Variants in PDE1C observed in about 807,000 individuals in gnomAD.
PDE1C encodes dual specificity calcium/calmodulin-dependent 3',5'-cyclic nucleotide phosphodiesterase 1C.
PDE1C carries 62 observed loss-of-function variants against 93.1 expected under a neutral mutation model. The observed-to-expected ratio is 0.67, with a 90% CI of 0.54 to 0.82. The LOEUF (loss-of-function observed/expected upper bound fraction) is 0.82. Among genes scored for constraint, PDE1C ranks in the 40% least tolerant of loss-of-function variants. The pLI is 0.00. For synonymous variants in PDE1C, 325 were observed against 310.1 expected, an observed-to-expected ratio of 1.05 and a Z score of -0.50; for missense variants, 742 against 884.6, an observed-to-expected ratio of 0.84 and a Z score of 2.04.
chr7:31,900,648 CATATTCATATATAGCAATAT>C (rs1007530342), intron 2 of PDE1C, among the ~76,000 whole-genome samples: 49 of 151,774 alleles, frequency 3.2e-4, no homozygotes, highest in Admixed American at 5.9e-4. Context: ...TAATTTTATA[CATATTCATATATAGCAATAT>C]ATATTCATAT....
At chr7:31,705,653 A>T in the PDE1C span, among the ~76,000 whole-genome samples, 1 of 152,182 alleles carries the variant, frequency 6.6e-6, no homozygotes, top group African/African-American at 2.4e-5. Context: ...CTGCTGTTGA[A>T]TGGAGTCCAG....
At chr7:32,338,548 A>G (rs903448031) in intron 1 of PDE1C, among the ~76,000 whole-genome samples, 18 of 152,188 alleles carry the variant, frequency 1.2e-4, no homozygotes, top group Non-Finnish European at 2.5e-4. Flanking sequence ...GGAAGGTAAA[A>G]TGGTACAACT....
At chr7:32,094,439 T>A (rs1217384092) in intron 3 of PDE1C, among the ~76,000 whole-genome samples, 2 of 152,184 alleles carry the variant, frequency 1.3e-5, no homozygotes, top group African/African-American at 2.4e-5. Context: ...GGAGGGTATG[T>A]GGATTTTTAC....
the PDE1C span, among the ~76,000 whole-genome samples, chr7:31,710,339 G>A: frequency 2.6e-5 from 4 of 152,148 alleles, no homozygotes; most frequent in African/African-American, 4.8e-5. Context: ...AAGACTTGGC[G>A]CTCTTTCAAA....
chr7:32,093,976 T>G (rs936043980), intron 3 of PDE1C, among the ~76,000 whole-genome samples: 1 of 152,216 alleles, frequency 6.6e-6, no homozygotes, highest in Admixed American at 6.5e-5. Context: ...GAAGGTTGAA[T>G]GCGTCACTGA....
chr7:32,176,623 T>G (rs1020405225), intron 2 of PDE1C, among the ~76,000 whole-genome samples: 5 of 152,198 alleles, frequency 3.3e-5, no homozygotes, highest in Non-Finnish European at 5.9e-5. Flanking sequence ...AAATAATGAT[T>G]AATTTAAATA....
chr7:31,849,131 A>ATC (rs1793007893), intron 8 of PDE1C, among the ~76,000 whole-genome samples: 1 of 152,128 alleles, frequency 6.6e-6, no homozygotes, highest in African/African-American at 2.4e-5. Context: ...GAGGTGAAAG[A>ATC]TCTGCTGTTA....
chr7:32,165,959 G>T (rs1347544574), intron 3 of PDE1C, among the ~76,000 whole-genome samples: 3 of 151,760 alleles, frequency 2.0e-5, no homozygotes, highest in Non-Finnish European at 4.4e-5. Flanking sequence ...AATCCCCCCG[G>T]GTGATTGTGA....
intron 1 of PDE1C, among the ~76,000 whole-genome samples, chr7:32,226,201 T>TA (rs1491477709): frequency 6.6e-6 from 1 of 152,232 alleles, no homozygotes; most frequent in African/African-American, 2.4e-5. Flanking sequence ...GCCCCGTCTC[T>TA]ATCTGTCTGG....
the PDE1C span, among the ~76,000 whole-genome samples, chr7:31,662,606 CGT>C: frequency 6.6e-6 from 1 of 151,988 alleles, no homozygotes; most frequent in Non-Finnish European, 1.5e-5. Flanking sequence ...GTTGTGTAGA[CGT>C]ATGTGACTGT....
intron 1 of PDE1C, among the ~76,000 whole-genome samples, chr7:32,221,390 C>T (rs980949449): frequency 6.6e-5 from 10 of 152,140 alleles, no homozygotes; most frequent in African/African-American, 1.4e-4. Context: ...CAGCATCATA[C>T]GCCCCACAGC....
chr7:31,703,493 T>C, the PDE1C span, among the ~76,000 whole-genome samples: 1 of 152,234 alleles, frequency 6.6e-6, no homozygotes, highest in African/African-American at 2.4e-5. Flanking sequence ...CATTATGGAA[T>C]TCCTTGAATC....
intron 2 of PDE1C, among the ~76,000 whole-genome samples, chr7:31,962,037 C>T (rs1809067873): frequency 6.6e-6 from 1 of 152,184 alleles, no homozygotes; most frequent in Non-Finnish European, 1.5e-5. Context: ...TGATGGTATA[C>T]TGTTATCTAT....
chr7:31,626,846 G>T, the PDE1C span, among the ~76,000 whole-genome samples: 11 of 152,290 alleles, frequency 7.2e-5, no homozygotes, highest in African/African-American at 2.6e-4. Context: ...CCCTTATCTA[G>T]CACATTGCCT....
At chr7:31,837,799 G>T in intron 10 of PDE1C, 71 bp downstream of exon 10, 1 of 930,102 alleles carries the variant, frequency 1.1e-6, no homozygotes. Flanking sequence ...CTCTTTAAAG[G>T]GATAGCCACA....
At chr7:31,989,490 T>G (rs1783890947) in intron 2 of PDE1C, among the ~76,000 whole-genome samples, 1 of 152,208 alleles carries the variant, frequency 6.6e-6, no homozygotes, top group Non-Finnish European at 1.5e-5. Flanking sequence ...CACCCTAACC[T>G]GAAACTTTTA....
intron 2 of PDE1C, among the ~76,000 whole-genome samples, chr7:31,900,078 G>C (rs958011725): frequency 6.6e-6 from 1 of 152,218 alleles, no homozygotes; most frequent in Non-Finnish European, 1.5e-5. Context: ...TATTGGAAAA[G>C]AGCAATACCA....
In PDE1C at chr7:31,759,839, C is replaced by A. The variant is rs140440213; in HGVS notation, c.1961-6286G>T. 5.4e-4 allele frequency among the ~76,000 whole-genome samples: 82 copies of A among 152,144 alleles called. 1 individual carries two copies. The highest frequency in any genetic ancestry group is 1.9e-3 in the African/African-American group (80 of 41,512). ...CTATGATTTTCTCCCCTTTCACTGC[C>A]ACAACCAGCCTATCTTTTGTTCTCT... On this transcript the variant is annotated intron_variant, in intron 17 of 17. Transcript: ENST00000396191.
chr7:32,379,057 G>A (rs780386154), intron 1 of PDE1C, among the ~76,000 whole-genome samples: 5 of 152,110 alleles, frequency 3.3e-5, no homozygotes, highest in South Asian at 2.1e-4. Flanking sequence ...CTTACAATGC[G>A]TTCTCTGGCC....
Sources: allele counts gnomAD v4.1 joint callset (sites outside exome capture counted in the v4.1 genomes callset), GRCh38; gene constraint gnomAD v4.1.1; transcripts MANE v1.5; gene names NCBI Gene and HGNC (gene_info 2026-07-23, HGNC 2026-07-21).